NCOA2: variants seen among roughly 807,000 people sequenced by gnomAD.
The protein encoded by NCOA2 is class E basic helix-loop-helix protein 75.
In NCOA2, 21 loss-of-function variants were observed where a neutral mutation model predicts 145.1. The ratio of observed to expected loss-of-function variants is 0.14; its 90% CI spans 0.10 to 0.21. The LOEUF (loss-of-function observed/expected upper bound fraction) is 0.21. Among genes scored for constraint, NCOA2 ranks in the 10% least tolerant of loss-of-function variants. NCOA2 has a pLI of 1.00. For missense variants in NCOA2, 1,472 were observed against 1,837.6 expected, an observed-to-expected ratio of 0.80 and a Z score of 3.64; for synonymous variants, 619 against 637.5, an observed-to-expected ratio of 0.97 and a Z score of 0.44.
chr8:70,389,058 T>G (rs1410562720), intron 1 of NCOA2, among the ~76,000 whole-genome samples: 2 of 152,142 alleles, frequency 1.3e-5, no homozygotes, highest in Non-Finnish European at 2.9e-5. Context: ...AGAGATCTCA[T>G]TTTCTGGGGG....
intron 2 of NCOA2, among the ~76,000 whole-genome samples, chr8:70,225,528 G>A (rs867805054): frequency 1.3e-5 from 2 of 149,214 alleles, no homozygotes; most frequent in Admixed American, 6.7e-5. Context: ...CAGCCTGGGC[G>A]ACAGAGTGAG....
intron 2 of NCOA2, among the ~76,000 whole-genome samples, chr8:70,284,665 T>C (rs546576823): frequency 7.9e-5 from 12 of 152,166 alleles, no homozygotes; most frequent in Admixed American, 2.0e-4. Flanking sequence ...TATATACAAA[T>C]GAGGGAGAAC....
At chr8:70,316,953 C>T (rs1033705251) in intron 1 of NCOA2, among the ~76,000 whole-genome samples, 5 of 152,056 alleles carry the variant, frequency 3.3e-5, no homozygotes, top group Admixed American at 6.6e-5. Flanking sequence ...TCACACTGTT[C>T]GGAAGGTTGT....
intron 4 of NCOA2, among the ~76,000 whole-genome samples, chr8:70,197,114 T>C (rs1264006365): frequency 3.9e-5 from 6 of 152,212 alleles, no homozygotes; most frequent in Non-Finnish European, 7.3e-5. Context: ...GAAAAAAGTA[T>C]AGTTAAGTAG....
chr8:70,163,478 G>A lies in NCOA2; in HGVS notation c.819C>T (p.Arg273=), dbSNP rs1443380345. The change falls in exon 8 of 23, where the codon CGC becomes CGT. Residue 273 remains arginine (R), a synonymous_variant. Coordinates refer to ENST00000452400, the MANE Select transcript of NCOA2 (RefSeq NM_006540.4). The part of the protein sequence containing the change: ...VLPSSESFTT[R]QDLQGKITSL... ...GAGGAAATTTACCTTGGAGATCCTGGCGAGTAGTAAAACTTTCTGATGAGG... is the reference window on the plus strand; with the variant it reads ...GAGGAAATTTACCTTGGAGATCCTGACGAGTAGTAAAACTTTCTGATGAGG... The A allele has an allele frequency of 6.2e-7, 1 of 1,612,742 alleles. No individual in the cohort carries two copies. The highest frequency in any genetic ancestry group is 8.5e-7 in the Non-Finnish European group (1 of 1,179,032).
At chr8:70,169,778 T>A (rs908894416) in intron 6 of NCOA2, among the ~76,000 whole-genome samples, 3 of 152,050 alleles carry the variant, frequency 2.0e-5, no homozygotes, top group Non-Finnish European at 4.4e-5. Flanking sequence ...TTAAAAAAAA[T>A]ACAACAATCT....
intron 1 of NCOA2, among the ~76,000 whole-genome samples, chr8:70,300,184 A>G (rs757396796): frequency 6.6e-6 from 1 of 152,224 alleles, no homozygotes; most frequent in Non-Finnish European, 1.5e-5. Flanking sequence ...GGGTGATAGA[A>G]TTGTTCTAAA....
At chr8:70,278,609 C>T (rs201039068) in intron 2 of NCOA2, among the ~76,000 whole-genome samples, 10 of 152,168 alleles carry the variant, frequency 6.6e-5, no homozygotes, top group East Asian at 1.9e-4. Context: ...AGGCTAAACC[C>T]GCCTCAGCCT....
At chr8:70,278,650 C>A (rs1825645111) in intron 2 of NCOA2, among the ~76,000 whole-genome samples, 1 of 152,088 alleles carries the variant, frequency 6.6e-6, no homozygotes, top group African/African-American at 2.4e-5. Flanking sequence ...TCCATTCACC[C>A]CAGGACAGGG....
chr8:70,442,005 GAAAT>G, the NCOA2 span, among the ~76,000 whole-genome samples: 2 of 46,758 alleles, frequency 4.3e-5, no homozygotes, highest in Non-Finnish European at 6.2e-5. Context: ...AGGAAAGAAA[GAAAT>G]AAAGGAAAGA....
intron 1 of NCOA2, among the ~76,000 whole-genome samples, chr8:70,319,719 T>C (rs1321578884): frequency 6.6e-6 from 1 of 152,174 alleles, no homozygotes; most frequent in Non-Finnish European, 1.5e-5. Context: ...GTTTTTGGAA[T>C]TGCTAACATC....
chr8:70,433,245 G>A, the NCOA2 span, among the ~76,000 whole-genome samples: 10 of 151,808 alleles, frequency 6.6e-5, no homozygotes, highest in African/African-American at 2.2e-4. Context: ...AGTGATTTTT[G>A]TCAAAATATA....
chr8:70,184,025 C>G (rs1815772371), intron 4 of NCOA2, among the ~76,000 whole-genome samples: 1 of 152,142 alleles, frequency 6.6e-6, no homozygotes, highest in Non-Finnish European at 1.5e-5. Flanking sequence ...AAGAGCTTTA[C>G]CATATACCTA....
At chr8:70,176,102 T>C (rs1278638160) in intron 4 of NCOA2, among the ~76,000 whole-genome samples, 1 of 152,186 alleles carries the variant, frequency 6.6e-6, no homozygotes, top group Non-Finnish European at 1.5e-5. Context: ...CTCCCGTATA[T>C]CATGGACTGA....
intron 2 of NCOA2, among the ~76,000 whole-genome samples, chr8:70,250,672 CAG>C (rs1823090258): frequency 6.6e-6 from 1 of 152,056 alleles, no homozygotes; most frequent in Non-Finnish European, 1.5e-5. Context: ...TGTTAAAAAA[CAG>C]AGTCCACTGT....
At chr8:70,407,973 C>A (rs924784425), upstream of NCOA2, among the ~76,000 whole-genome samples, 3 of 152,242 alleles carry the variant, frequency 2.0e-5, no homozygotes, top group East Asian at 5.8e-4. Context: ...CAATTCAAAT[C>A]CTTCATCTTA....
At chr8:70,195,292 A>C (rs1817169729) in intron 4 of NCOA2, among the ~76,000 whole-genome samples, 1 of 152,208 alleles carries the variant, frequency 6.6e-6, no homozygotes, top group Non-Finnish European at 1.5e-5. Flanking sequence ...TAAGAGTAAA[A>C]AATTGAGTAT....
intron 3 of NCOA2, among the ~76,000 whole-genome samples, chr8:70,215,899 T>C (rs761551283): frequency 2.6e-5 from 4 of 152,208 alleles, no homozygotes; most frequent in Admixed American, 6.5e-5. Context: ...TTTTTGTCTG[T>C]AACAATATTC....
At chr8:70,241,325 C>T (rs1822112013) in intron 2 of NCOA2, among the ~76,000 whole-genome samples, 1 of 152,116 alleles carries the variant, frequency 6.6e-6, no homozygotes, top group African/African-American at 2.4e-5. Flanking sequence ...AATTCATAGT[C>T]ACTCTGTTTT....
Sources: allele counts gnomAD v4.1 joint callset (sites outside exome capture counted in the v4.1 genomes callset), GRCh38; gene constraint gnomAD v4.1.1; transcripts MANE v1.5; gene names NCBI Gene and HGNC (gene_info 2026-07-23, HGNC 2026-07-21).